KCNQ5: variants seen among roughly 807,000 people sequenced by gnomAD.
KCNQ5 encodes the protein potassium voltage-gated channel subfamily KQT member 5.
In KCNQ5, 30 loss-of-function variants were observed where a neutral mutation model predicts 98.2. The ratio of observed to expected loss-of-function variants is 0.31; its 90% CI spans 0.23 to 0.41. The LOEUF (loss-of-function observed/expected upper bound fraction) is 0.41, where lower values mean the gene tolerates loss of function less well. Among genes scored for constraint, KCNQ5 ranks in the 10% least tolerant of loss-of-function variants. The pLI, the probability that KCNQ5 is intolerant of heterozygous loss-of-function variation, is 1.00. For synonymous variants in KCNQ5, 458 were observed against 449.4 expected, an observed-to-expected ratio of 1.02 and a Z score of -0.24; for missense variants, 835 against 1,182.5, an observed-to-expected ratio of 0.71 and a Z score of 4.31.
At chr6:73,117,732 A>G (rs1413331483) in intron 7 of KCNQ5, among the ~76,000 whole-genome samples, 4 of 152,246 alleles carry the variant, frequency 2.6e-5, no homozygotes, top group East Asian at 3.8e-4. Context: ...CGTCTGTGTC[A>G]TCACAACATT....
At chr6:72,826,006 A>G (rs1775978169) in intron 1 of KCNQ5, among the ~76,000 whole-genome samples, 1 of 152,120 alleles carries the variant, frequency 6.6e-6, no homozygotes, top group Non-Finnish European at 1.5e-5. Flanking sequence ...GCCTGCAAGC[A>G]ATCACACTTC....
intron 1 of KCNQ5, among the ~76,000 whole-genome samples, chr6:72,812,642 A>G (rs1212604558): frequency 6.6e-6 from 1 of 152,184 alleles, no homozygotes; most frequent in East Asian, 1.9e-4. Context: ...CTGGCCAGAA[A>G]TGGAGTCAGA....
intron 1 of KCNQ5, among the ~76,000 whole-genome samples, chr6:72,716,265 G>C (rs1769642123): frequency 6.6e-6 from 1 of 152,294 alleles, no homozygotes; most frequent in East Asian, 1.9e-4. Flanking sequence ...CTGTTCATGA[G>C]AATAAATGCA....
At chr6:73,145,555 C>G (rs139512027) in intron 10 of KCNQ5, among the ~76,000 whole-genome samples, 1 of 152,346 alleles carries the variant, frequency 6.6e-6, no homozygotes, top group African/African-American at 2.4e-5. Context: ...TATTCTCTCC[C>G]TATACCTTCA....
intron 1 of KCNQ5, among the ~76,000 whole-genome samples, chr6:72,723,971 G>A (rs1307008159): frequency 6.6e-6 from 1 of 152,078 alleles, no homozygotes; most frequent in Non-Finnish European, 1.5e-5. Flanking sequence ...TCCATTGTCT[G>A]CTAATGTTGT....
At chr6:72,816,784 T>C (rs779588229) in intron 1 of KCNQ5, among the ~76,000 whole-genome samples, 2 of 152,224 alleles carry the variant, frequency 1.3e-5, no homozygotes, top group African/African-American at 4.8e-5. Flanking sequence ...CTTATCTCTT[T>C]ATTCATTGTC....
chr6:72,968,020 C>A (rs190609748), intron 1 of KCNQ5, among the ~76,000 whole-genome samples: 1 of 152,298 alleles, frequency 6.6e-6, no homozygotes, highest in East Asian at 1.9e-4. Context: ...GGCCACTTCT[C>A]CTTAGCGACC....
intron 2 of KCNQ5, among the ~76,000 whole-genome samples, chr6:73,036,108 C>T (rs1389044894): frequency 4.6e-5 from 7 of 151,564 alleles, no homozygotes; most frequent in Non-Finnish European, 1.0e-4. Flanking sequence ...CAGTTCCGGC[C>T]GGGCACGGTG....
At chr6:72,690,323 A>C (rs953860269) in intron 1 of KCNQ5, among the ~76,000 whole-genome samples, 2 of 152,198 alleles carry the variant, frequency 1.3e-5, no homozygotes, top group Non-Finnish European at 2.9e-5. Context: ...TCCTATGTTT[A>C]TTAATATAAT....
intron 1 of KCNQ5, among the ~76,000 whole-genome samples, chr6:72,673,624 A>G (rs7748594): frequency 0.18 from 26,630 of 152,048 alleles, 2,472 homozygotes; most frequent in Middle Eastern, 0.28. Flanking sequence ...GGAGGAGGCG[A>G]AGAGGTAAGG....
chr6:72,642,828 A>G (rs780742344), intron 1 of KCNQ5, among the ~76,000 whole-genome samples: 14 of 152,194 alleles, frequency 9.2e-5, no homozygotes, highest in Non-Finnish European at 1.8e-4. Context: ...TTGTAACACT[A>G]TTGACAATAG....
intron 1 of KCNQ5, among the ~76,000 whole-genome samples, chr6:72,650,058 A>G (rs1289178436): frequency 2.6e-5 from 4 of 152,030 alleles, no homozygotes; most frequent in African/African-American, 4.8e-5. Context: ...TCAACCTTCC[A>G]TTTTTCTGAA....
At chr6:72,830,356 A>G (rs1379002833) in intron 1 of KCNQ5, among the ~76,000 whole-genome samples, 4 of 152,222 alleles carry the variant, frequency 2.6e-5, no homozygotes, top group African/African-American at 9.6e-5. Flanking sequence ...ACAGTAACCA[A>G]AACAGCATGG....
chr6:72,975,040 A>G (rs1263440999), intron 1 of KCNQ5, among the ~76,000 whole-genome samples: 1 of 152,084 alleles, frequency 6.6e-6, no homozygotes, highest in African/African-American at 2.4e-5. Flanking sequence ...CCCGACCCTA[A>G]CACTTTCTAC....
rs190625471 is a variant in KCNQ5 at position 72,755,940 on chromosome 6, G to A, written c.398+133353G>A. Reference sequence around the variant, plus strand: ...AGCAGCAGGCAGTCACCTCCTGCATGCCTCTGCCACAGCAGGGACCTCTCT... The same window carrying A: ...AGCAGCAGGCAGTCACCTCCTGCATACCTCTGCCACAGCAGGGACCTCTCT... On this transcript the variant is annotated intron_variant, in intron 1 of 13. Coordinates refer to ENST00000370398, the MANE Select transcript of KCNQ5 (RefSeq NM_019842.4). Among the ~76,000 whole-genome samples, 236 of 152,186 alleles carry A rather than the reference G, an allele frequency of 1.6e-3. 2 individuals carry two copies. The highest frequency in any genetic ancestry group is 5.2e-3 in the African/African-American group (216 of 41,504).
chr6:72,689,183 C>T (rs1768092206), intron 1 of KCNQ5, among the ~76,000 whole-genome samples: 1 of 152,182 alleles, frequency 6.6e-6, no homozygotes, highest in Non-Finnish European at 1.5e-5. Context: ...AACCATGCAG[C>T]TACTCCCATA....
At chr6:72,723,305 G>A (rs1770073996) in intron 1 of KCNQ5, among the ~76,000 whole-genome samples, 1 of 152,102 alleles carries the variant, frequency 6.6e-6, no homozygotes, top group South Asian at 2.1e-4. Context: ...CAGGATTAAA[G>A]TCTTAGAGTA....
At chr6:72,986,386 G>C in intron 1 of KCNQ5, 1 of 436,636 alleles carries the variant, frequency 2.3e-6, no homozygotes, top group Admixed American at 3.4e-5. Flanking sequence ...GCAGACCTGG[G>C]CCCTGGGCTC....
chr6:72,808,987 A>G (rs987227064), intron 1 of KCNQ5, among the ~76,000 whole-genome samples: 10 of 151,362 alleles, frequency 6.6e-5, no homozygotes, highest in African/African-American at 2.4e-4. Flanking sequence ...ACTTGGAACC[A>G]ACCCAAATGT....
Sources: allele counts gnomAD v4.1 joint callset (sites outside exome capture counted in the v4.1 genomes callset), GRCh38; gene constraint gnomAD v4.1.1; transcripts MANE v1.5; gene names NCBI Gene and HGNC (gene_info 2026-07-23, HGNC 2026-07-21).